PACS1: variants seen among roughly 807,000 people sequenced by gnomAD.
PACS1 encodes the protein phosphofurin acidic cluster sorting protein 1.
PACS1 carries 24 observed loss-of-function variants against 115.0 expected under a neutral mutation model. That is an observed-to-expected ratio of 0.21 (90% confidence interval 0.15 to 0.29). The LOEUF (loss-of-function observed/expected upper bound fraction) is 0.29, where lower values mean the gene tolerates loss of function less well. Among genes scored for constraint, PACS1 ranks in the 10% least tolerant of loss-of-function variants. The pLI is 1.00. For synonymous variants in PACS1, 453 were observed against 504.5 expected (o/e 0.90, Z 1.37); for missense variants, 838 against 1,251.2 (o/e 0.67, Z 4.98).
chr11:66,112,855 A>G (rs1463867173), intron 1 of PACS1, among the ~76,000 whole-genome samples: 2 of 152,248 alleles, frequency 1.3e-5, no homozygotes, highest in African/African-American at 4.8e-5. Flanking sequence ...ATGAATGAAT[A>G]AACTGTGGCT....
At chr11:66,165,507 G>A (rs1859581702) in intron 1 of PACS1, among the ~76,000 whole-genome samples, 1 of 152,096 alleles carries the variant, frequency 6.6e-6, no homozygotes, top group African/African-American at 2.4e-5. Flanking sequence ...AAACTCATAA[G>A]CAGCTGGCCT....
intron 2 of PACS1, among the ~76,000 whole-genome samples, chr11:66,209,224 A>T (rs1269839936): frequency 6.6e-6 from 1 of 151,990 alleles, no homozygotes; most frequent in Non-Finnish European, 1.5e-5. Context: ...ATCCAAGAAG[A>T]GAAGAAAAGC....
chr11:66,238,746 A>T (rs1471953195), intron 19 of PACS1, 58 bp from the exon 20 acceptor site: 4 of 1,461,208 alleles, frequency 2.7e-6, no homozygotes, highest in Non-Finnish European at 3.8e-6. Flanking sequence ...TTCTGGTTGG[A>T]TCAGAACATG....
At chr11:66,082,537 T>G (rs751945868) in intron 1 of PACS1, among the ~76,000 whole-genome samples, 4 of 152,164 alleles carry the variant, frequency 2.6e-5, no homozygotes, top group Non-Finnish European at 5.9e-5. Flanking sequence ...TCATTTGTTA[T>G]GAAGATAGAT....
In PACS1 at chr11:66,216,161, C is replaced by T. The variant is rs1855204045; in HGVS notation, c.703C>T (p.His235Tyr). 1.9e-6 allele frequency: 3 copies of T among 1,613,900 alleles called. No individual in the cohort carries two copies. The highest frequency in any genetic ancestry group is 2.5e-6 in the Non-Finnish European group (3 of 1,180,008). ...TGAAGGCGCACTGGTGCTTGGCCTA[C>T]ACAGCAACGTGAAGGATGTCTCTGT... is the stretch of plus-strand genomic sequence containing the variant. ...PNEGALVLGL[H>Y]SNVKDVSVPV... The change falls in exon 5 of 24, where the codon CAC becomes TAC. Residue 235 changes from histidine to tyrosine, a missense_variant. Physicochemically the swap from His to Tyr is moderately conservative, Grantham distance 83. Coordinates refer to ENST00000320580, the MANE Select transcript of PACS1 (RefSeq NM_018026.4).
Position 66,235,586 on chromosome 11 carries a change from C to A in PACS1, c.2207+183C>A. 1.7e-6 allele frequency: 1 copy of A among 605,772 alleles called. No homozygotes were observed. The allele number at this position is 605,772 out of a possible 1,614,324, so 37.5% of individuals were successfully genotyped here. On this transcript the variant is annotated intron_variant, in intron 18 of 23. Coordinates refer to ENST00000320580, the MANE Select transcript of PACS1 (RefSeq NM_018026.4). This position sits in a 1 kb window ranked among gnomAD's most constrained non-coding sequence, Gnocchi z 5.6. ...CTCCTTCCTTGCCCAAGGCCTCCCACCCATAGGAGCCTGAGTTCATCAGTT... is the reference window on the plus strand; with the variant it reads ...CTCCTTCCTTGCCCAAGGCCTCCCAACCATAGGAGCCTGAGTTCATCAGTT...
intron 1 of PACS1, among the ~76,000 whole-genome samples, chr11:66,106,471 C>T (rs528894532): frequency 5.1e-4 from 78 of 152,226 alleles, no homozygotes; most frequent in Middle Eastern, 3.4e-3. Context: ...ACCTGGAAGG[C>T]TGAGACATGA....
At chr11:66,214,631 T>TA (rs1236038331) in intron 4 of PACS1, among the ~76,000 whole-genome samples, 1 of 145,618 alleles carries the variant, frequency 6.9e-6, no homozygotes, top group Non-Finnish European at 1.5e-5. Context: ...TTTTTTTTTT[T>TA]TTTTTCCTGA....
chr11:66,223,677 A>G (rs1855408064), intron 10 of PACS1, among the ~76,000 whole-genome samples: 1 of 152,114 alleles, frequency 6.6e-6, no homozygotes, highest in African/African-American at 2.4e-5. Context: ...ACTCTTTCTT[A>G]GTGTTCTAGG....
intron 1 of PACS1, among the ~76,000 whole-genome samples, chr11:66,110,110 A>G (rs1858152761): frequency 6.6e-6 from 1 of 152,118 alleles, no homozygotes; most frequent in Non-Finnish European, 1.5e-5. Flanking sequence ...GTGCTCAGAT[A>G]TGTTTATGAG....
At chr11:66,222,970 G>T (rs896323455) in intron 10 of PACS1, among the ~76,000 whole-genome samples, 1 of 136,686 alleles carries the variant, frequency 7.3e-6, no homozygotes, top group Non-Finnish European at 1.5e-5. Flanking sequence ...AGAAACCCCA[G>T]CCCTGCCCCT....
chr11:66,114,417 CAAAA>C (rs34972929), intron 1 of PACS1, among the ~76,000 whole-genome samples: 2 of 132,192 alleles, frequency 1.5e-5, no homozygotes, highest in Non-Finnish European at 1.6e-5. Flanking sequence ...GACTCCGCCT[CAAAA>C]AAAAAAAAAA....
At chr11:66,115,220 A>C (rs1030219836) in intron 1 of PACS1, among the ~76,000 whole-genome samples, 17 of 151,884 alleles carry the variant, frequency 1.1e-4, no homozygotes, top group Non-Finnish European at 2.4e-4. Flanking sequence ...AAAAAAAAAA[A>C]AAAAAAAAAC....
intron 4 of PACS1, among the ~76,000 whole-genome samples, chr11:66,213,628 A>C (rs1855130050): frequency 2.0e-5 from 3 of 152,262 alleles, no homozygotes; most frequent in African/African-American, 7.2e-5. Context: ...TTTCAGGTCT[A>C]GGTCCAGATC....
intron 1 of PACS1, among the ~76,000 whole-genome samples, chr11:66,129,210 T>C (rs1254126156): frequency 6.7e-6 from 1 of 149,192 alleles, no homozygotes; most frequent in Non-Finnish European, 1.5e-5. Flanking sequence ...GGTGGACAGA[T>C]CACCTGAAGT....
rs1023582295 is a variant in PACS1 at position 66,168,778 on chromosome 11, G to A, written c.357-24708G>A. On this transcript the variant is annotated intron_variant, in intron 1 of 23. Coordinates refer to ENST00000320580, the MANE Select transcript of PACS1 (RefSeq NM_018026.4). ...TGTGTGTGTGTGTGTGTGTGTGTGTGTATACATTTACACACATTTACATTT... is the reference window on the plus strand; with the variant it reads ...TGTGTGTGTGTGTGTGTGTGTGTGTATATACATTTACACACATTTACATTT... 2.7e-5 allele frequency among the ~76,000 whole-genome samples: 4 copies of A among 149,132 alleles called. 1 individual carries two copies. The highest frequency in any genetic ancestry group is 1.9e-4 in the East Asian group (1 of 5,178).
chr11:66,210,502 C>A (rs764655883), intron 3 of PACS1, 51 bp downstream of exon 3: 1 of 1,240,082 alleles, frequency 8.1e-7, no homozygotes, highest in Non-Finnish European at 1.2e-6. Context: ...CTGGCTAGTC[C>A]CCAGACAGTC....
chr11:66,101,793 T>C (rs1005228124), intron 1 of PACS1, among the ~76,000 whole-genome samples: 28 of 152,158 alleles, frequency 1.8e-4, no homozygotes, highest in African/African-American at 6.8e-4. Flanking sequence ...CTGGAGTTGA[T>C]AGACAAAGCT....
At chr11:66,172,803 C>T (rs1859768550) in intron 1 of PACS1, among the ~76,000 whole-genome samples, 1 of 152,004 alleles carries the variant, frequency 6.6e-6, no homozygotes, top group South Asian at 2.1e-4. Flanking sequence ...TGGTGAAACC[C>T]CGTCTCTACT....
Sources: gnomAD v4.1 joint callset for allele counts (sites outside exome capture counted in the v4.1 genomes callset) on GRCh38, gnomAD v4.1.1 for gene constraint, Gnocchi (gnomAD v3.1) non-coding constraint, MANE v1.5 for transcripts, NCBI Gene and HGNC (gene_info 2026-07-23, HGNC 2026-07-21) for gene names.